The following TRHDE variants were observed in gnomAD, a reference collection of about 807,000 sequenced individuals.
TRHDE encodes the protein thyrotropin releasing hormone degrading enzyme, also known as thyrotropin-releasing hormone-degrading ectoenzyme.
TRHDE carries 72 observed loss-of-function variants against 125.7 expected under a neutral mutation model. The observed-to-expected ratio is 0.57, with a 90% CI of 0.47 to 0.70. The LOEUF (loss-of-function observed/expected upper bound fraction) is 0.70, where lower values mean the gene tolerates loss of function less well. Ranked by LOEUF, TRHDE falls within the 30% of genes least tolerant of loss-of-function variation. The pLI is 0.00. For missense variants in TRHDE, 1,110 were observed against 1,327.1 expected (o/e 0.84, Z 2.54); for synonymous variants, 509 against 509.1 (o/e 1.00, Z 0.00).
chr12:72,492,551 C>G (rs969914107), intron 5 of TRHDE, among the ~76,000 whole-genome samples: 1 of 151,740 alleles, frequency 6.6e-6, no homozygotes, highest in Non-Finnish European at 1.5e-5. Flanking sequence ...TGGATATTTT[C>G]CCCCAATATA....
intron 6 of TRHDE, among the ~76,000 whole-genome samples, chr12:72,527,445 T>C (rs1868355335): frequency 6.6e-6 from 1 of 152,028 alleles, no homozygotes; most frequent in Admixed American, 6.6e-5. Flanking sequence ...GGAGAACGTA[T>C]ACAAAAATAA....
In TRHDE at chr12:72,543,797, G is replaced by GATTATTATTATT. The variant is rs57214635; in HGVS notation, c.1788+1465_1788+1476dup. ...TTGGAAAGGATTATTATTTGGAAAG[G>GATTATTATTATT]ATTATTATTATTATTATTATTATTA... On this transcript the variant is annotated intron_variant, in intron 7 of 18. Transcript: ENST00000261180. Among the ~76,000 whole-genome samples, 211 of 142,228 alleles carry GATTATTATTATT rather than the reference G, an allele frequency of 1.5e-3. 1 individual carries two copies. The highest frequency in any genetic ancestry group is 0.011 in the Middle Eastern group (3 of 278). 93.3% of individuals were successfully genotyped at this position (142,228 alleles called of 152,430 possible).
chr12:72,337,305 G>C (rs1869871440), intron 2 of TRHDE, among the ~76,000 whole-genome samples: 1 of 152,148 alleles, frequency 6.6e-6, no homozygotes, highest in South Asian at 2.1e-4. Context: ...AAAGGAAAGG[G>C]AGATAGTCAT....
At chr12:72,325,653 C>A (rs1869306050) in intron 2 of TRHDE, among the ~76,000 whole-genome samples, 1 of 151,762 alleles carries the variant, frequency 6.6e-6, no homozygotes, top group Admixed American at 6.6e-5. Flanking sequence ...TTCAGTCTTT[C>A]TGTGATTTTA....
intron 2 of TRHDE, 79 bp from the exon 3 acceptor site, chr12:72,377,916 G>A: frequency 9.8e-7 from 1 of 1,024,604 alleles, no homozygotes; most frequent in Non-Finnish European, 1.4e-6. Flanking sequence ...TAAGTGATTT[G>A]TGTAGATTCA....
chr12:72,342,807 T>C (rs1301528876), intron 2 of TRHDE, among the ~76,000 whole-genome samples: 2 of 152,128 alleles, frequency 1.3e-5, no homozygotes, highest in Non-Finnish European at 2.9e-5. Context: ...GCATTTTTTT[T>C]CCCTTTCATC....
chr12:72,535,060 G>T (rs1435801316), intron 6 of TRHDE, among the ~76,000 whole-genome samples: 1 of 151,872 alleles, frequency 6.6e-6, no homozygotes, highest in Non-Finnish European at 1.5e-5. Flanking sequence ...TAAAAATGAT[G>T]ATAGTGATGA....
At chr12:72,262,276 A>G (rs781105132) in intron 2 of TRHDE, among the ~76,000 whole-genome samples, 2 of 152,198 alleles carry the variant, frequency 1.3e-5, no homozygotes, top group African/African-American at 2.4e-5. Context: ...ATTATATTTT[A>G]TAAGGTCGCT....
rs1162851520 is a variant in TRHDE, at chr12:72,185,532, G to A, written n.279+79780G>A. Among the ~76,000 whole-genome samples, 4 of 152,378 alleles carry A rather than the reference G, an allele frequency of 2.6e-5. No individual in the cohort carries two copies. The South Asian group carries it at 8.3e-4, about 32-fold the overall frequency. ...CCTGAGTCTGGTGGGGACGTGGAGA[G>A]TCTTTACGTCTAGCTCAGGGATTGT... On this transcript the variant is annotated intron_variant and non_coding_transcript_variant, in intron 2 of 4. Coordinates refer to the TRHDE transcript ENST00000548156.
intron 7 of TRHDE, among the ~76,000 whole-genome samples, chr12:72,561,944 G>A (rs1870197719): frequency 6.6e-6 from 1 of 152,188 alleles, no homozygotes; most frequent in South Asian, 2.1e-4. Context: ...TTATAGTTAT[G>A]AAAATGATTT....
chr12:72,424,741 TTA>T (rs1197488516), intron 3 of TRHDE, among the ~76,000 whole-genome samples: 1 of 152,198 alleles, frequency 6.6e-6, no homozygotes, highest in African/African-American at 2.4e-5. Context: ...TGTTGTTTTG[TTA>T]TGTTTTCTGT....
chr12:72,655,925 A>T (rs973422873), intron 17 of TRHDE, among the ~76,000 whole-genome samples: 3 of 152,162 alleles, frequency 2.0e-5, no homozygotes, highest in African/African-American at 7.2e-5. Context: ...ATTTAGTTCA[A>T]CCTTCTCATT....
chr12:72,517,915 T>A (rs1331099108), intron 6 of TRHDE, among the ~76,000 whole-genome samples: 1 of 152,070 alleles, frequency 6.6e-6, no homozygotes, highest in East Asian at 1.9e-4. Flanking sequence ...CAGTTGTCAT[T>A]CAGGAGCAGG....
chr12:72,222,951 C>T (rs774554392), intron 2 of TRHDE, among the ~76,000 whole-genome samples: 15 of 152,100 alleles, frequency 9.9e-5, no homozygotes, highest in Non-Finnish European at 1.8e-4. Flanking sequence ...AAAGATAAAG[C>T]TCCTCCTTTT....
At position 72,665,930 on chromosome 12, in the gene TRHDE, A is replaced by T. The variant is rs1438293056; in HGVS notation, c.*2735A>T. The T allele has an allele frequency of 6.6e-6, 1 of 152,040 alleles. No homozygotes were observed. The highest frequency in any genetic ancestry group is 1.9e-4 in the East Asian group (1 of 5,174). The allele number at this position is 152,040 out of a possible 1,614,324, so 9.4% of individuals were successfully genotyped here. A position where few individuals can be genotyped will look rare whatever the true frequency, so the allele number is the denominator to read the frequency against. On this transcript the variant is annotated 3_prime_UTR_variant, in exon 19 of 19. Coordinates refer to ENST00000261180, the MANE Select transcript of TRHDE (RefSeq NM_013381.3). ...CACAATCTCAACCTCTAAGACTAAC[A>T]TCTACAATACTAGGTCTATTCTTGA...
At chr12:72,411,795 G>T (rs1218020330) in intron 3 of TRHDE, among the ~76,000 whole-genome samples, 1 of 152,152 alleles carries the variant, frequency 6.6e-6, no homozygotes, top group Non-Finnish European at 1.5e-5. Context: ...TTGAGGAAAA[G>T]AACAGAGTAG....
intron 2 of TRHDE, among the ~76,000 whole-genome samples, chr12:72,362,680 G>T (rs998985758): frequency 1.3e-5 from 2 of 151,600 alleles, no homozygotes; most frequent in African/African-American, 4.9e-5. Flanking sequence ...TTTCTTCTAG[G>T]GTTTTTATGG....
intron 3 of TRHDE, among the ~76,000 whole-genome samples, chr12:72,455,537 A>G (rs1592457915): frequency 6.6e-6 from 1 of 152,118 alleles, no homozygotes; most frequent in East Asian, 1.9e-4. Flanking sequence ...ATTTATTTTT[A>G]ATTGAGTGCA....
chr12:72,656,294 G>C (rs755735454), intron 17 of TRHDE, among the ~76,000 whole-genome samples: 2 of 152,062 alleles, frequency 1.3e-5, no homozygotes, highest in Non-Finnish European at 2.9e-5. Context: ...CATGAAAAAA[G>C]CTAATATTTT....
Sources: allele counts gnomAD v4.1 joint callset (sites outside exome capture counted in the v4.1 genomes callset), GRCh38; gene constraint gnomAD v4.1.1; transcripts MANE v1.5; gene names NCBI Gene and HGNC (gene_info 2026-07-23, HGNC 2026-07-21).